MARCHF10: variants seen among roughly 807,000 people sequenced by gnomAD.
The protein encoded by MARCHF10 is membrane associated ring-CH-type finger 10, also known as probable E3 ubiquitin-protein ligase MARCHF10.
Under a neutral mutation model 76.2 loss-of-function variants are expected in MARCHF10, and 64 were observed. The ratio of observed to expected loss-of-function variants is 0.84; its 90% CI spans 0.69 to 1.03. The LOEUF (loss-of-function observed/expected upper bound fraction) is 1.03, where lower values mean the gene tolerates loss of function less well. Ranked by LOEUF, MARCHF10 falls within the 50% of genes least tolerant of loss-of-function variation. The pLI is 0.00. For missense variants in MARCHF10, 875 were observed against 958.0 expected (o/e 0.91, Z 1.14); for synonymous variants, 340 against 357.5 (o/e 0.95, Z 0.55).
chr17:62,745,451 C>T (rs538046265), intron 4 of MARCHF10, among the ~76,000 whole-genome samples: 6 of 152,204 alleles, frequency 3.9e-5, no homozygotes, highest in Non-Finnish European at 5.9e-5. Context: ...GGGATATGCC[C>T]GCTAGCAACA....
rs2092143008 is a variant in MARCHF10 at position 62,759,728 on chromosome 17, C to T, written c.382+107G>A. On this transcript the variant is annotated intron_variant, in intron 4 of 10. Coordinates refer to ENST00000311269, the MANE Select transcript of MARCHF10 (RefSeq NM_152598.4). ...TCAAGTGATCCGCCGGCCTCAGCCTCTCAAAGTGCTGGGATTACAGGCGTG... is the reference window on the plus strand; with the variant it reads ...TCAAGTGATCCGCCGGCCTCAGCCTTTCAAAGTGCTGGGATTACAGGCGTG... The T allele has an allele frequency of 4.2e-5, 50 of 1,187,570 alleles. No homozygotes were observed. The South Asian group carries it at 7.4e-4, about 18-fold the overall frequency. The allele number at this position is 1,187,570 out of a possible 1,614,324, so 73.6% of individuals were successfully genotyped here. A position where few individuals can be genotyped will look rare whatever the true frequency, so the allele number is the denominator to read the frequency against.
At chr17:62,735,896 A>G (rs758333918) in intron 6 of MARCHF10, 35 bp downstream of exon 6, 2 of 1,569,330 alleles carry the variant, frequency 1.3e-6, no homozygotes, top group Non-Finnish European at 1.7e-6. Flanking sequence ...GCCTTGGGAA[A>G]GTGGAAAAAA....
At chr17:62,759,120 G>A (rs1329432684) in intron 4 of MARCHF10, among the ~76,000 whole-genome samples, 3 of 152,184 alleles carry the variant, frequency 2.0e-5, no homozygotes, top group Non-Finnish European at 2.9e-5. Context: ...ACCCAGAACA[G>A]GAAAACTTTA....
At chr17:62,739,736 C>T (rs1027075008) in intron 5 of MARCHF10, among the ~76,000 whole-genome samples, 8 of 152,074 alleles carry the variant, frequency 5.3e-5, no homozygotes, top group Non-Finnish European at 2.9e-5. Flanking sequence ...GAGCTCACAG[C>T]GCTGGAACCG....
chr17:62,752,297 T>A (rs1332550383), intron 4 of MARCHF10, among the ~76,000 whole-genome samples: 2 of 152,160 alleles, frequency 1.3e-5, no homozygotes, highest in African/African-American at 4.8e-5. Context: ...TTCAGCCACC[T>A]CTTACTCACT....
intron 6 of MARCHF10, among the ~76,000 whole-genome samples, chr17:62,734,432 G>A (rs1209210732): frequency 1.3e-5 from 2 of 152,038 alleles, no homozygotes; most frequent in Non-Finnish European, 2.9e-5. Context: ...TGTGATGTGT[G>A]CGCTTTAAAA....
intron 3 of MARCHF10, among the ~76,000 whole-genome samples, chr17:62,780,786 A>G (rs1413483807): frequency 1.3e-5 from 2 of 152,206 alleles, no homozygotes; most frequent in Admixed American, 1.3e-4. Flanking sequence ...GTGAGGATAC[A>G]GGATCTTGGA....
chr17:62,732,721 G>A (rs141114476), intron 6 of MARCHF10, among the ~76,000 whole-genome samples: 2,875 of 152,158 alleles, frequency 0.019, 44 homozygotes, highest in Non-Finnish European at 0.028. Flanking sequence ...GGCCGGGCAC[G>A]GTGGTTCAAG....
At chr17:62,739,639 C>A (rs1287087891) in intron 5 of MARCHF10, among the ~76,000 whole-genome samples, 1 of 152,076 alleles carries the variant, frequency 6.6e-6, no homozygotes, top group South Asian at 2.1e-4. Flanking sequence ...CCTTGGCCTC[C>A]CAAAGTGCTG....
chr17:62,743,121 T>C (rs1462501980), intron 5 of MARCHF10, among the ~76,000 whole-genome samples: 1 of 152,232 alleles, frequency 6.6e-6, no homozygotes, highest in Non-Finnish European at 1.5e-5. Flanking sequence ...ATAAAGGAAC[T>C]GGTGCCCAGA....
chr17:62,780,147 G>A (rs1014399991), intron 3 of MARCHF10, among the ~76,000 whole-genome samples: 17 of 151,564 alleles, frequency 1.1e-4, no homozygotes, highest in African/African-American at 4.1e-4. Flanking sequence ...CCACTGACCA[G>A]ACGTGCTCTT....
chr17:62,788,753 ACT>A (rs1598037040), intron 2 of MARCHF10, among the ~76,000 whole-genome samples, 154 bp from the exon 3 acceptor site: 1 of 151,928 alleles, frequency 6.6e-6, no homozygotes, highest in Non-Finnish European at 1.5e-5. Flanking sequence ...ACCAGGTATC[ACT>A]CTTCCCTTTG....
intron 8 of MARCHF10, among the ~76,000 whole-genome samples, chr17:62,713,508 C>T (rs999875640): frequency 7.2e-5 from 11 of 152,206 alleles, no homozygotes; most frequent in African/African-American, 2.7e-4. Flanking sequence ...CCATCAATCT[C>T]GCCGGCTCGG....
chr17:62,803,260 C>T (rs1380874215), intron 1 of MARCHF10, among the ~76,000 whole-genome samples: 2 of 151,914 alleles, frequency 1.3e-5, no homozygotes, highest in African/African-American at 4.8e-5. Flanking sequence ...TGCACTCTAA[C>T]CTGGGCAACA....
At chr17:62,780,216 T>G (rs1181977255) in intron 3 of MARCHF10, among the ~76,000 whole-genome samples, 1 of 152,240 alleles carries the variant, frequency 6.6e-6, no homozygotes, top group East Asian at 1.9e-4. Flanking sequence ...TAATTTTAAT[T>G]AATTTAAACT....
chr17:62,800,245 G>T (rs1171152057), intron 2 of MARCHF10, among the ~76,000 whole-genome samples: 3 of 152,128 alleles, frequency 2.0e-5, no homozygotes, highest in African/African-American at 7.2e-5. Context: ...AACGGCAACG[G>T]CTCAAAGCCA....
chr17:62,795,356 C>CAAAAAAAAAAAA (rs61564298), intron 2 of MARCHF10, among the ~76,000 whole-genome samples: 8 of 52,946 alleles, frequency 1.5e-4, no homozygotes, highest in African/African-American at 4.9e-4. Context: ...ATCATTTGAT[C>CAAAAAAAAAAAA]AAAAAAAAAA....
In MARCHF10 at chr17:62,737,182, C is replaced by G; in HGVS notation, c.686G>C (p.Ser229Thr). ...KKGDPSAPSQ[S>T]ELHPALSQAF... Reference sequence around the variant, plus strand: ...CTGGGACAGGGCTGGATGCAGCTCACTCTGGGAAGGAGCACTCGGGTCTCC... The same window carrying G: ...CTGGGACAGGGCTGGATGCAGCTCAGTCTGGGAAGGAGCACTCGGGTCTCC... The change falls in exon 6 of 11, where the codon AGT (serine) becomes ACT (threonine). Residue 229 changes from serine (S) to threonine (T), a missense_variant. Ser to Thr is a moderately conservative substitution (Grantham distance 58). Coordinates refer to ENST00000311269, the MANE Select transcript of MARCHF10 (RefSeq NM_152598.4). 6.2e-7 allele frequency: 1 copy of G among 1,614,046 alleles called. No homozygotes were observed. The highest frequency in any genetic ancestry group is 1.1e-5 in the South Asian group (1 of 91,076).
intron 3 of MARCHF10, among the ~76,000 whole-genome samples, chr17:62,775,462 C>T (rs1028686347): frequency 1.1e-4 from 16 of 151,492 alleles, no homozygotes; most frequent in African/African-American, 3.4e-4. Context: ...TTTTGAACTA[C>T]AGACATTTGT....
Sources: gnomAD v4.1 joint callset for allele counts (sites outside exome capture counted in the v4.1 genomes callset) on GRCh38, gnomAD v4.1.1 for gene constraint, MANE v1.5 for transcripts, NCBI Gene and HGNC (gene_info 2026-07-23, HGNC 2026-07-21) for gene names.